WIZ: variants seen among roughly 807,000 people sequenced by gnomAD.
WIZ encodes the protein WIZ zinc finger.
Under a neutral mutation model 140.2 loss-of-function variants are expected in WIZ, and 25 were observed. The ratio of observed to expected loss-of-function variants is 0.18; its 90% CI spans 0.13 to 0.25. WIZ has a LOEUF of 0.25. Ranked by LOEUF, WIZ falls within the 10% of genes least tolerant of loss-of-function variation. The pLI, the probability that WIZ is intolerant of heterozygous loss-of-function variation, is 1.00. For missense variants in WIZ, 2,231 were observed against 2,632.6 expected, an observed-to-expected ratio of 0.85 and a Z score of 3.34; for synonymous variants, 1,125 against 1,154.3, an observed-to-expected ratio of 0.97 and a Z score of 0.51.
rs1968548506 is a variant in WIZ, at chr19:15,424,077, C to A, written c.5510+106G>T. On this transcript the variant is annotated intron_variant, in intron 12 of 12. Transcript: ENST00000673675. This position sits in a 1 kb window ranked among gnomAD's most constrained non-coding sequence, Gnocchi z 9.7. Reference sequence around the variant, plus strand: ...GCCCCACCACACCCAAGGGCAGCCACTGAGGCGACACCTCCCAGCTTCCAC... The same window carrying A: ...GCCCCACCACACCCAAGGGCAGCCAATGAGGCGACACCTCCCAGCTTCCAC... 9.0e-7 allele frequency: 1 copy of A among 1,111,608 alleles called. No homozygotes were observed. Among genetic ancestry groups the A allele is most frequent in the Admixed American group, 3.6e-5 (1 of 27,400 alleles). 68.9% of individuals were successfully genotyped at this position (1,111,608 alleles called of 1,614,324 possible).
chr19:15,423,747 A>G (rs1302129990), intron 12 of WIZ, among the ~76,000 whole-genome samples: 1 of 152,204 alleles, frequency 6.6e-6, no homozygotes, highest in Non-Finnish European at 1.5e-5. Flanking sequence ...GCTGCTCTTC[A>G]ATGTACTTGT....
rs999993332 is a variant in WIZ, at chr19:15,436,800, C to G, written c.2740+6G>C. 7 of 1,575,468 alleles carry G rather than the reference C, an allele frequency of 4.4e-6. No homozygotes were observed. The African/African-American group carries it at 9.7e-5, about 22-fold the overall frequency. ...GGCTCCAGCACAGCCCGTCCCCTCC[C>G]CTTACCATCTCCATAGGCTGGCCCA... On this transcript the variant is annotated splice_donor_region_variant and intron_variant, in intron 5 of 12. Coordinates refer to ENST00000673675, the MANE Select transcript of WIZ (RefSeq NM_001371589.1).
intron 1 of WIZ, chr19:15,449,451 G>A (rs1970034403): frequency 6.6e-6 from 1 of 152,426 alleles, no homozygotes; most frequent in Admixed American, 6.5e-5. Context: ...TGGCAGCGTG[G>A]GGAGGGGGCT....
chr19:15,423,329 T>A, intron 12 of WIZ, 94 bp from the exon 13 acceptor site: 1 of 1,479,940 alleles, frequency 6.8e-7, no homozygotes. Flanking sequence ...CTGCTGCTAC[T>A]CAGTGTGGAC....
rs747468941 is a variant in WIZ at position 15,423,066 on chromosome 19, T to G, written c.*10A>C. On this transcript the variant is annotated 3_prime_UTR_variant, in exon 13 of 13. Coordinates refer to ENST00000673675, the MANE Select transcript of WIZ (RefSeq NM_001371589.1). ...AGGTGGCACGAGAGGGGATCTGGAATGCTTTTGTGTTAGGGAGCCTCTGCC... is the reference window on the plus strand; with the variant it reads ...AGGTGGCACGAGAGGGGATCTGGAAGGCTTTTGTGTTAGGGAGCCTCTGCC... 51 of 1,610,036 alleles carry G rather than the reference T, an allele frequency of 3.2e-5. No individual in the cohort carries two copies. Among genetic ancestry groups the G allele is most frequent in the Non-Finnish European group, 4.1e-5 (48 of 1,178,724 alleles).
chr19:15,424,915 G>A lies in WIZ; in HGVS notation c.5012C>T (p.Ser1671Leu). Residue 1671 changes from serine (S) to leucine (L), a missense_variant, in exon 11 of 13, where the codon TCG becomes TTG. Physicochemically the swap from Ser to Leu is moderately radical, Grantham distance 145. Transcript: ENST00000673675. This position sits in a 1 kb window ranked among gnomAD's most constrained non-coding sequence, Gnocchi z 9.7. ...FGVTEWCVNG[S>L]PIETLSEWIK... The stretch of plus-strand genomic sequence containing the variant: ...CCACTCGCTCAGTGTCTCGATGGGC[G>A]AGCCATTGACGCACCACTCGGTCAC... 6.2e-7 allele frequency: 1 copy of A among 1,611,032 alleles called. No homozygotes were observed. Among genetic ancestry groups the A allele is most frequent in the Non-Finnish European group, 8.5e-7 (1 of 1,179,332 alleles).
Position 15,424,785 on chromosome 19 carries a change from G to C in WIZ, c.5142C>G (p.Asp1714Glu), listed in dbSNP as rs949069394. ...GTGCCAGCCCCAGGGACGGCCGCTT[G>C]TCACTGTCACGGCCATGGCCGGCAC... ...FRSAGHGRDS[D>E]KRPSLGLAPG... is the part of the protein sequence containing the mutation. Residue 1714 changes from aspartate to glutamate, a missense_variant, in exon 11 of 13, where the codon GAC (aspartate) becomes GAG (glutamate). Physicochemically the swap from Asp to Glu is conservative, Grantham distance 45 (BLOSUM62 2). Transcript: ENST00000673675. This position sits in a 1 kb window ranked among gnomAD's most constrained non-coding sequence, Gnocchi z 9.7. 6.3e-7 allele frequency: 1 copy of C among 1,596,184 alleles called. No homozygotes were observed. Among genetic ancestry groups the C allele is most frequent in the African/African-American group, 1.3e-5 (1 of 74,730 alleles).
Position 15,422,801 on chromosome 19 carries a change from C to T in WIZ, c.*275G>A. 1 of 525,742 alleles carries T rather than the reference C, an allele frequency of 1.9e-6. No homozygotes were observed. Among genetic ancestry groups the T allele is most frequent in the Non-Finnish European group, 3.4e-6 (1 of 295,608 alleles). 32.6% of individuals were successfully genotyped at this position (525,742 alleles called of 1,614,324 possible). On this transcript the variant is annotated 3_prime_UTR_variant, in exon 13 of 13. Transcript: ENST00000673675. ...CTGTCCTCCCCTGTGACCAGACCGGCTGCCATCAGAGACCTGGCTGCTGCC... is the reference window on the plus strand; with the variant it reads ...CTGTCCTCCCCTGTGACCAGACCGGTTGCCATCAGAGACCTGGCTGCTGCC...
In WIZ at chr19:15,428,290, G is replaced by T; in HGVS notation, c.3634C>A (p.Pro1212Thr). ...GCGGAGGTGGGAGGCGGCCGCCCCG[G>T]GTGGGCCAGGGCGCCGCGCCTGGGT... ...LPPRRGALAH[P>T]GRPPPTSAAL... Residue 1212 changes from proline to threonine, a missense_variant, in exon 8 of 13, where the codon CCG (proline) becomes ACG (threonine). Pro to Thr is a conservative substitution (Grantham distance 38). Transcript: ENST00000673675. This position sits in a 1 kb window ranked among gnomAD's most constrained non-coding sequence, Gnocchi z 6.4. The T allele has an allele frequency of 2.6e-6, 4 of 1,530,168 alleles. No homozygotes were observed. The highest frequency in any genetic ancestry group is 3.5e-6 in the Non-Finnish European group (4 of 1,144,538). 94.8% of individuals were successfully genotyped at this position (1,530,168 alleles called of 1,614,324 possible). A position where few individuals can be genotyped will look rare whatever the true frequency, so the allele number is the denominator to read the frequency against.
At position 15,431,297 on chromosome 19, in the gene WIZ, C is replaced by T. The variant is rs182898008; in HGVS notation, c.2741-115G>A. 5.1e-4 allele frequency: 668 copies of T among 1,304,192 alleles called. 1 individual carries two copies. The highest frequency in any genetic ancestry group is 3.1e-3 in the Middle Eastern group (16 of 5,192). 80.8% of individuals were successfully genotyped at this position (1,304,192 alleles called of 1,614,324 possible). The stretch of plus-strand genomic sequence containing the variant: ...TGTCCGCTCTCACTCTGCGAAGCGA[C>T]TCACCCCAGGAAAGCTGAGGTTCCA... On this transcript the variant is annotated intron_variant, in intron 5 of 12. Coordinates refer to ENST00000673675, the MANE Select transcript of WIZ (RefSeq NM_001371589.1).
chr19:15,429,093 G>A (rs997252324), intron 7 of WIZ, among the ~76,000 whole-genome samples: 1 of 152,204 alleles, frequency 6.6e-6, no homozygotes, highest in Non-Finnish European at 1.5e-5. Flanking sequence ...GGCAGCCCAG[G>A]AGGTGGGGCT....
In WIZ at chr19:15,440,636, C is replaced by A; in HGVS notation, c.358G>T (p.Asp120Tyr). 6.5e-7 allele frequency: 1 copy of A among 1,531,114 alleles called. No homozygotes were observed. Among genetic ancestry groups the A allele is most frequent in the Non-Finnish European group, 8.7e-7 (1 of 1,142,896 alleles). The allele number at this position is 1,531,114 out of a possible 1,614,324, so 94.8% of individuals were successfully genotyped here. A position where few individuals can be genotyped will look rare whatever the true frequency, so the allele number is the denominator to read the frequency against. The change falls in exon 4 of 13, where the codon GAT (aspartate) becomes TAT (tyrosine). Residue 120 changes from aspartate to tyrosine, a missense_variant. Coordinates refer to ENST00000673675, the MANE Select transcript of WIZ (RefSeq NM_001371589.1). The surrounding 1 kb of genome is among the most constrained non-coding windows in gnomAD (Gnocchi z 6.2). ...GGGTGCTCCCAGGGCCCCCGGCCAT[C>A]AGGGGTACCTGGGAAATGGCCCAGG... ...HLLGHFPGTP[D>Y]GRGPWEHPLV... is the part of the protein sequence containing the mutation.
chr19:15,439,515 C>T lies in WIZ; in HGVS notation c.1479G>A (p.Glu493=). ...VRLVHAHPHW[E]EDGEAYEEDP... ...CTTCCTCATAAGCCTCGCCATCCTC[C>T]TCCCAGTGGGGATGGGCATGCACCA... The change falls in exon 4 of 13, where the codon GAG becomes GAA. Residue 493 remains glutamate (E), a synonymous_variant. Transcript: ENST00000673675. The surrounding 1 kb of genome is among the most constrained non-coding windows in gnomAD (Gnocchi z 7.0). The T allele has an allele frequency of 1.3e-6, 2 of 1,534,126 alleles. No individual in the cohort carries two copies. Among genetic ancestry groups the T allele is most frequent in the African/African-American group, 1.4e-5 (1 of 73,128 alleles).
chr19:15,434,172 T>C (rs1246320875), intron 5 of WIZ, among the ~76,000 whole-genome samples: 3 of 144,468 alleles, frequency 2.1e-5, no homozygotes, highest in Non-Finnish European at 4.6e-5. Flanking sequence ...GCAGGAGAAT[T>C]GCTTTAACCC....
chr19:15,439,269 AGGCCTCTGGCCCGTGCCATGCAGGAGT>A lies in WIZ; in HGVS notation c.1698_1724del (p.Leu568_Leu576del). 2 of 1,534,794 alleles carry A rather than the reference AGGCCTCTGGCCCGTGCCATGCAGGAGT, an allele frequency of 1.3e-6. No homozygotes were observed. Among genetic ancestry groups the A allele is most frequent in the Non-Finnish European group, 1.7e-6 (2 of 1,146,204 alleles). On this transcript the variant is annotated inframe_deletion, in exon 4 of 13. Transcript: ENST00000673675. The surrounding 1 kb of genome is among the most constrained non-coding windows in gnomAD (Gnocchi z 7.0). ...TGGAGGGAAAGGCCAGCCTTCCGAG[AGGCCTCTGGCCCGTGCCATGCAGGAGT>A]GGCTTTGACAGCGGGAAATCTCTGA...
intron 12 of WIZ, 25 bp from the exon 13 acceptor site, chr19:15,423,260 AGT>A (rs1185170506): frequency 6.2e-7 from 1 of 1,611,410 alleles, no homozygotes; most frequent in Admixed American, 1.7e-5. Flanking sequence ...AGAGAGAGGG[AGT>A]GGCCAGTGCT....
chr19:15,436,840 G>A lies in WIZ; in HGVS notation c.2706C>T (p.Thr902=). The A allele has an allele frequency of 6.2e-7, 1 of 1,610,550 alleles. No individual in the cohort carries two copies. Among genetic ancestry groups the A allele is most frequent in the Non-Finnish European group, 8.5e-7 (1 of 1,178,824 alleles). The change falls in exon 5 of 13, where the codon ACC becomes ACT. Residue 902 remains threonine (T), a synonymous_variant. Transcript: ENST00000673675. ...RLPLTVPFPP[T]WAEDPGPAYG... ...AGGCTGGCCCAGGGTCCTCAGCCCA[G>A]GTGGGTGGAAAGGGCACCGTGAGAG...
intron 5 of WIZ, among the ~76,000 whole-genome samples, chr19:15,436,109 C>T (rs921877244): frequency 2.6e-5 from 4 of 152,152 alleles, no homozygotes; most frequent in Non-Finnish European, 4.4e-5. Flanking sequence ...GGCAAAAGAG[C>T]GAGACTCCAT....
intron 9 of WIZ, among the ~76,000 whole-genome samples, chr19:15,426,012 G>A (rs1005152484): frequency 2.0e-5 from 3 of 151,424 alleles, no homozygotes; most frequent in African/African-American, 7.3e-5. Flanking sequence ...CCACCAGACC[G>A]CAACAACCTG....
Sources: allele counts gnomAD v4.1 joint callset (sites outside exome capture counted in the v4.1 genomes callset), GRCh38; gene constraint gnomAD v4.1.1; non-coding constraint Gnocchi (gnomAD v3.1); transcripts MANE v1.5; gene names NCBI Gene and HGNC (gene_info 2026-07-23, HGNC 2026-07-21).